FGF12: variants seen among roughly 807,000 people sequenced by gnomAD.
FGF12 encodes fibroblast growth factor 12.
A neutral mutation model predicts 23.6 loss-of-function variants in FGF12; 14 were observed. The observed-to-expected ratio is 0.59, with a 90% CI of 0.39 to 0.93. The LOEUF (loss-of-function observed/expected upper bound fraction) is 0.93. Among genes scored for constraint, FGF12 ranks in the 40% least tolerant of loss-of-function variants. FGF12 has a pLI of 0.00. For missense variants in FGF12, 175 were observed against 217.8 expected, an observed-to-expected ratio of 0.80 and a Z score of 1.24; for synonymous variants, 62 against 77.3, an observed-to-expected ratio of 0.80 and a Z score of 1.04.
intron 4 of FGF12, among the ~76,000 whole-genome samples, chr3:192,287,515 G>A (rs1378606842): frequency 6.6e-6 from 1 of 152,012 alleles, no homozygotes; most frequent in African/African-American, 2.4e-5. Flanking sequence ...CAGCAACCAT[G>A]AGAAAAGCTC....
chr3:192,373,108 T>C (rs1325092465), intron 2 of FGF12, among the ~76,000 whole-genome samples: 1 of 152,166 alleles, frequency 6.6e-6, no homozygotes, highest in Non-Finnish European at 1.5e-5. Flanking sequence ...GTTTTTTTTT[T>C]CACCTCCCTT....
intron 4 of FGF12, among the ~76,000 whole-genome samples, chr3:192,329,585 C>T (rs1717002205): frequency 6.6e-6 from 1 of 152,102 alleles, no homozygotes; most frequent in South Asian, 2.1e-4. Context: ...TGGTCGAGGG[C>T]TTACTTGGGT....
intron 4 of FGF12, among the ~76,000 whole-genome samples, chr3:192,321,638 C>T (rs1716544863): frequency 6.6e-6 from 1 of 151,920 alleles, no homozygotes; most frequent in East Asian, 1.9e-4. Flanking sequence ...AGGGATTTAT[C>T]CCAGGTATGC....
chr3:192,600,391 T>C (rs1714065131), intron 2 of FGF12, among the ~76,000 whole-genome samples: 1 of 152,046 alleles, frequency 6.6e-6, no homozygotes, highest in Non-Finnish European at 1.5e-5. Flanking sequence ...TGTGGTTCCA[T>C]ACAAATTTTA....
chr3:192,281,574 C>T (rs1714145760), intron 4 of FGF12, among the ~76,000 whole-genome samples: 1 of 152,112 alleles, frequency 6.6e-6, no homozygotes, highest in Non-Finnish European at 1.5e-5. Flanking sequence ...CTCTGAGAGA[C>T]CCTATATTAA....
At chr3:192,247,912 G>C (rs1711733444) in intron 4 of FGF12, among the ~76,000 whole-genome samples, 1 of 152,168 alleles carries the variant, frequency 6.6e-6, no homozygotes, top group African/African-American at 2.4e-5. Flanking sequence ...AACACATATT[G>C]TAATGTCTAA....
intron 4 of FGF12, among the ~76,000 whole-genome samples, chr3:192,277,167 T>C (rs922795478): frequency 1.3e-5 from 2 of 152,184 alleles, no homozygotes; most frequent in African/African-American, 4.8e-5. Context: ...ATTTTTCTCT[T>C]AGCCCGTATA....
chr3:192,230,062 A>G (rs980356602), intron 4 of FGF12, among the ~76,000 whole-genome samples: 2 of 152,120 alleles, frequency 1.3e-5, no homozygotes, highest in East Asian at 3.9e-4. Context: ...TGGCATCAAC[A>G]TTCCTAGGAA....
intron 3 of FGF12, among the ~76,000 whole-genome samples, chr3:192,340,370 A>G (rs1440275546): frequency 1.3e-5 from 2 of 152,180 alleles, no homozygotes; most frequent in Admixed American, 6.6e-5. Context: ...ACACTTGTAT[A>G]ATACAAGGAA....
chr3:192,719,786 C>CAAAAAAAAAA (rs553013127), intron 2 of FGF12, among the ~76,000 whole-genome samples: 3 of 102,362 alleles, frequency 2.9e-5, no homozygotes, highest in Non-Finnish European at 5.9e-5. Flanking sequence ...AGACTAAGGG[C>CAAAAAAAAAA]AAAAAAAAAA....
intron 2 of FGF12, among the ~76,000 whole-genome samples, chr3:192,578,826 A>G (rs1297144919): frequency 2.0e-5 from 3 of 152,362 alleles, no homozygotes; most frequent in African/African-American, 4.8e-5. Flanking sequence ...CTGTTATTGC[A>G]AAGCGAGTAG....
intron 2 of FGF12, among the ~76,000 whole-genome samples, chr3:192,665,804 C>T (rs1716850774): frequency 1.3e-5 from 2 of 152,180 alleles, no homozygotes; most frequent in South Asian, 4.2e-4. Context: ...AAGAATATGC[C>T]TTATCTAAGG....
At chr3:192,451,152 T>C (rs62294930) in intron 2 of FGF12, among the ~76,000 whole-genome samples, 1,825 of 152,326 alleles carry the variant, frequency 0.012, 11 homozygotes, top group Non-Finnish European at 0.017. Flanking sequence ...ATATGATTTT[T>C]ACCCAAAGTG....
At chr3:192,349,612 CA>C (rs1173588462) in intron 3 of FGF12, among the ~76,000 whole-genome samples, 1 of 151,910 alleles carries the variant, frequency 6.6e-6, no homozygotes, top group Non-Finnish European at 1.5e-5. Flanking sequence ...ATTCATGTAA[CA>C]CTTTGAGAAT....
intron 4 of FGF12, among the ~76,000 whole-genome samples, chr3:192,202,926 G>A (rs1032290035): frequency 6.6e-6 from 1 of 152,142 alleles, no homozygotes; most frequent in African/African-American, 2.4e-5. Context: ...TATATTTCTA[G>A]TGCTTGCTCC....
intron 2 of FGF12, among the ~76,000 whole-genome samples, chr3:192,561,554 G>C (rs1048482472): frequency 6.6e-5 from 10 of 152,148 alleles, no homozygotes; most frequent in Admixed American, 6.5e-4. Context: ...AGTAGAGATG[G>C]GGTTTCACCG....
At chr3:192,466,636 G>T (rs1314945812) in intron 2 of FGF12, among the ~76,000 whole-genome samples, 1 of 152,140 alleles carries the variant, frequency 6.6e-6, no homozygotes. Context: ...TGTGCTTGCA[G>T]GTTACCACCA....
chr3:192,281,536 C>T (rs1435329599), intron 4 of FGF12, among the ~76,000 whole-genome samples: 2 of 152,068 alleles, frequency 1.3e-5, no homozygotes, highest in African/African-American at 4.8e-5. Flanking sequence ...ATACTGTGGC[C>T]TGGCATTAAG....
chr3:192,536,275 A>C (rs1725220760), intron 2 of FGF12, among the ~76,000 whole-genome samples: 1 of 152,186 alleles, frequency 6.6e-6, no homozygotes, highest in Non-Finnish European at 1.5e-5. Context: ...ATAAAGCCTA[A>C]AATATTTACT....
Sources: gnomAD v4.1 joint callset for allele counts (sites outside exome capture counted in the v4.1 genomes callset) on GRCh38, gnomAD v4.1.1 for gene constraint, MANE v1.5 for transcripts, NCBI Gene and HGNC (gene_info 2026-07-23, HGNC 2026-07-21) for gene names.